The following FANCI variants were observed in gnomAD, a reference collection of about 807,000 sequenced individuals.
FANCI encodes the protein Fanconi anemia group I protein.
Under a neutral mutation model 176.1 loss-of-function variants are expected in FANCI, and 156 were observed. That is an observed-to-expected ratio of 0.89 (90% CI 0.78 to 1.01). The LOEUF (loss-of-function observed/expected upper bound fraction) is 1.01, where lower values mean the gene tolerates loss of function less well. Among genes scored for constraint, FANCI ranks in the 50% least tolerant of loss-of-function variants. The pLI, the probability that FANCI is intolerant of heterozygous loss-of-function variation, is 0.00. For synonymous variants in FANCI, 613 were observed against 541.7 expected (o/e 1.13, Z -1.83); for missense variants, 1,678 against 1,534.1 (o/e 1.09, Z -1.57).
At position 89,261,576 on chromosome 15, in the gene FANCI, A is replaced by G; in HGVS notation, c.289-9A>G. ...TGCTTGAGATTTCCTTTATCCTGTG[A>G]ACTTTTAGGCTCACCATTTTCCAGG... On this transcript the variant is annotated splice_polypyrimidine_tract_variant and intron_variant, in intron 4 of 37. Coordinates refer to ENST00000310775, the MANE Select transcript of FANCI (RefSeq NM_001113378.2). The G allele has an allele frequency of 6.2e-7, 1 of 1,614,090 alleles. No individual in the cohort carries two copies. The highest frequency in any genetic ancestry group is 8.5e-7 in the Non-Finnish European group (1 of 1,180,002).
rs2054427294 is a variant in FANCI, at chr15:89,299,078, GC to G, written c.2637-721del. On this transcript the variant is annotated intron_variant, in intron 24 of 37. Coordinates refer to ENST00000310775, the MANE Select transcript of FANCI (RefSeq NM_001113378.2). The stretch of plus-strand genomic sequence containing the variant: ...AGTCCCAGCTACTCAGGAAGCTGAG[GC>G]AGGAAGACCACTTGAATCTGGGAGG... Among the ~76,000 whole-genome samples, 5 of 151,874 alleles carry G rather than the reference GC, an allele frequency of 3.3e-5. 1 individual carries two copies. The highest frequency in any genetic ancestry group is 1.2e-4 in the African/African-American group (5 of 41,392).
chr15:89,275,083 C>CTTTTTTTTTT (rs530017776), intron 12 of FANCI, among the ~76,000 whole-genome samples: 32 of 114,972 alleles, frequency 2.8e-4, no homozygotes, highest in Non-Finnish European at 4.0e-4. Flanking sequence ...GGCCTTTCTT[C>CTTTTTTTTTT]TTTTTTTTTT....
chr15:89,314,179 G>GACACAC (rs112695755), intron 35 of FANCI, among the ~76,000 whole-genome samples: 168 of 119,994 alleles, frequency 1.4e-3, no homozygotes, highest in African/African-American at 5.2e-3. Flanking sequence ...TAGGGGGAAA[G>GACACAC]ACACACACAC....
At chr15:89,310,132 G>A (rs907046668) in intron 34 of FANCI, among the ~76,000 whole-genome samples, 2 of 152,178 alleles carry the variant, frequency 1.3e-5, no homozygotes, top group African/African-American at 4.8e-5. Flanking sequence ...TCGATAGCAG[G>A]AATTGGCACA....
At position 89,255,195 on chromosome 15, in the gene FANCI, G is replaced by A. The variant is rs1045557550; in HGVS notation, c.85-3509G>A. On this transcript the variant is annotated intron_variant, in intron 2 of 37. Coordinates refer to ENST00000310775, the MANE Select transcript of FANCI (RefSeq NM_001113378.2). ...ATTGATTAGTTGTTTTGCTGAATGT[G>A]TCTCATTTAGGGCCTGTTTGGTGGT... is the stretch of plus-strand genomic sequence containing the variant. Among the ~76,000 whole-genome samples, 16 of 152,102 alleles carry A rather than the reference G, an allele frequency of 1.1e-4. 1 individual carries two copies. The highest frequency in any genetic ancestry group is 1.5e-5 in the Non-Finnish European group (1 of 68,014).
intron 34 of FANCI, among the ~76,000 whole-genome samples, chr15:89,312,022 A>G (rs1319925420): frequency 2.0e-5 from 3 of 152,170 alleles, no homozygotes; most frequent in Non-Finnish European, 2.9e-5. Context: ...ATTACCCAAT[A>G]ATTTACAACA....
chr15:89,297,534 G>A (rs944377249), intron 24 of FANCI, among the ~76,000 whole-genome samples: 7 of 152,250 alleles, frequency 4.6e-5, no homozygotes, highest in Admixed American at 2.6e-4. Flanking sequence ...CGAGGCTGGC[G>A]GATCACTCGT....
intron 10 of FANCI, among the ~76,000 whole-genome samples, chr15:89,270,752 A>G (rs577126415): frequency 1.3e-5 from 2 of 152,316 alleles, no homozygotes; most frequent in South Asian, 4.1e-4. Flanking sequence ...AAATTTAGCC[A>G]GTTGGATCCT....
At chr15:89,310,678 G>C (rs571485907) in intron 34 of FANCI, among the ~76,000 whole-genome samples, 20 of 152,336 alleles carry the variant, frequency 1.3e-4, no homozygotes, top group African/African-American at 4.6e-4. Flanking sequence ...ACTAGAAATG[G>C]GGATTGCATT....
chr15:89,311,958 C>T (rs2151979344), intron 34 of FANCI, among the ~76,000 whole-genome samples: 1 of 152,298 alleles, frequency 6.6e-6, no homozygotes, highest in East Asian at 1.9e-4. Flanking sequence ...TTATCAGAAT[C>T]TTACACTTTT....
chr15:89,261,486 G>C (rs998954982), intron 4 of FANCI, 99 bp from the exon 5 acceptor site: 2 of 1,453,922 alleles, frequency 1.4e-6, no homozygotes, highest in South Asian at 1.1e-5. Context: ...TCTGGATCTC[G>C]GTCAATTCAT....
At chr15:89,266,772 A>G (rs2052980615) in intron 9 of FANCI, among the ~76,000 whole-genome samples, 1 of 152,196 alleles carries the variant, frequency 6.6e-6, no homozygotes, top group South Asian at 2.1e-4. Context: ...CACACCCAGC[A>G]GAGAAGGTGG....
chr15:89,304,938 G>A (rs375279068), intron 28 of FANCI, among the ~76,000 whole-genome samples, 177 bp from the exon 29 acceptor site: 60 of 152,212 alleles, frequency 3.9e-4, no homozygotes, highest in Non-Finnish European at 6.5e-4. Flanking sequence ...CACCATGCCC[G>A]GCTAATTTTA....
chr15:89,294,033 C>T, intron 23 of FANCI, 36 bp downstream of exon 23: 1 of 1,611,468 alleles, frequency 6.2e-7, no homozygotes, highest in Non-Finnish European at 8.5e-7. Flanking sequence ...GACAGCCACT[C>T]CCTGAGGATC....
intron 2 of FANCI, among the ~76,000 whole-genome samples, chr15:89,254,291 AG>A (rs1335616328): frequency 6.6e-6 from 1 of 152,196 alleles, no homozygotes; most frequent in East Asian, 1.9e-4. Flanking sequence ...TCCTCACTCA[AG>A]GGAACCAGGG....
At chr15:89,300,161 A>G (rs1002169336) in intron 25 of FANCI, 139 bp from the exon 26 acceptor site, 19 of 1,035,434 alleles carry the variant, frequency 1.8e-5, no homozygotes, top group Non-Finnish European at 2.3e-5. Context: ...AATGGAATAT[A>G]GTATTAAGAA....
At chr15:89,277,436 C>T (rs545767593) in intron 13 of FANCI, among the ~76,000 whole-genome samples, 34 of 151,816 alleles carry the variant, frequency 2.2e-4, no homozygotes, top group Admixed American at 7.9e-4. Flanking sequence ...GGCAACGTGG[C>T]GAAACCTCAT....
Position 89,261,825 on chromosome 15 carries a change from A to G in FANCI, c.450A>G (p.Val150=), listed in dbSNP as rs1281311903. The G allele has an allele frequency of 1.2e-6, 2 of 1,613,952 alleles. No homozygotes were observed. The stretch of plus-strand genomic sequence containing the variant: ...CAGTATATTTTGCATTTCTAGGTGT[A>G]CTGAGTGGGGAAGAATGTAAGAAAC... ...KKENLAYGKG[V]LSGEECKKQL... The change falls in exon 6 of 38, where the codon GTA becomes GTG. Residue 150 remains valine, a synonymous_variant. Transcript: ENST00000310775.
At chr15:89,307,777 C>T (rs2054783587) in intron 34 of FANCI, 105 bp downstream of exon 34, 10 of 1,586,824 alleles carry the variant, frequency 6.3e-6, no homozygotes, top group Non-Finnish European at 8.6e-6. Context: ...ACTTTTTTCC[C>T]TGCTTACCAC....
Sources: allele counts gnomAD v4.1 joint callset (sites outside exome capture counted in the v4.1 genomes callset), GRCh38; gene constraint gnomAD v4.1.1; transcripts MANE v1.5; gene names NCBI Gene and HGNC (gene_info 2026-07-23, HGNC 2026-07-21).